Variants in BDKRB2 observed in about 807,000 individuals in gnomAD.
BDKRB2 encodes B2 bradykinin receptor.
In BDKRB2, 6 loss-of-function variants were observed where a neutral mutation model predicts 4.0. The ratio of observed to expected loss-of-function variants is 1.49; its 90% CI spans 0.81 to 2.93. The LOEUF (loss-of-function observed/expected upper bound fraction) is 2.93, where lower values mean the gene tolerates loss of function less well. Ranked by LOEUF, BDKRB2 falls within the 30% of genes most tolerant of loss-of-function variation. BDKRB2 has a pLI of 0.00. For missense variants in BDKRB2, 478 were observed against 520.1 expected, an observed-to-expected ratio of 0.92 and a Z score of 0.79; for synonymous variants, 225 against 215.3, an observed-to-expected ratio of 1.05 and a Z score of -0.40.
intron 1 of BDKRB2, among the ~76,000 whole-genome samples, chr14:96,208,127 C>A (rs1369766056): frequency 6.6e-6 from 1 of 152,190 alleles, no homozygotes; most frequent in Non-Finnish European, 1.5e-5. Context: ...TTGCTTCTCT[C>A]TGAGCTAAAT....
At chr14:96,212,281 T>C (rs2139768073) in intron 1 of BDKRB2, among the ~76,000 whole-genome samples, 1 of 152,302 alleles carries the variant, frequency 6.6e-6, no homozygotes, top group Non-Finnish European at 1.5e-5. Context: ...AAATTATAGA[T>C]ATTTGAGAAA....
intron 2 of BDKRB2, 80 bp downstream of exon 2, chr14:96,237,261 C>T: frequency 7.6e-7 from 1 of 1,318,968 alleles, no homozygotes; most frequent in Non-Finnish European, 1.1e-6. Context: ...AAGCTCAACT[C>T]TCATGCCCCG....
chr14:96,243,210 AGCTAGAACCTGGAGG>A lies in BDKRB2; in HGVS notation c.*1721_*1735del, dbSNP rs1164565711. 1.4e-5 allele frequency: 2 copies of A among 144,140 alleles called. No individual in the cohort carries two copies. Among genetic ancestry groups the A allele is most frequent in the African/African-American group, 2.7e-5 (1 of 36,936 alleles). 8.9% of individuals were successfully genotyped at this position (144,140 alleles called of 1,614,324 possible). On this transcript the variant is annotated 3_prime_UTR_variant, in exon 3 of 3. Coordinates refer to ENST00000554311, the MANE Select transcript of BDKRB2 (RefSeq NM_001379692.1). ...GAACCTGGAGGGCTAGAATCTGGAG[AGCTAGAACCTGGAGG>A]GCTAGAACCTGGAGAGCTAGAACCT...
intron 1 of BDKRB2, among the ~76,000 whole-genome samples, chr14:96,228,148 G>T (rs1890741390): frequency 6.6e-6 from 1 of 152,182 alleles, no homozygotes; most frequent in South Asian, 2.1e-4. Flanking sequence ...CAGGGGTGTG[G>T]CTCACTTGCT....
chr14:96,224,992 G>A (rs77416637), intron 1 of BDKRB2, among the ~76,000 whole-genome samples: 1,964 of 152,174 alleles, frequency 0.013, 35 homozygotes, highest in African/African-American at 0.043. Context: ...GCAAGGCAGG[G>A]AGCAGCCTCC....
At chr14:96,223,372 C>T (rs2139780568) in intron 1 of BDKRB2, 1 of 845,186 alleles carries the variant, frequency 1.2e-6, no homozygotes, top group Non-Finnish European at 2.1e-6. Context: ...TTTTCAGACT[C>T]AAGCTTTACA....
At chr14:96,214,759 G>A (rs1595248845) in intron 1 of BDKRB2, 4 of 152,234 alleles carry the variant, frequency 2.6e-5, no homozygotes, top group East Asian at 1.9e-4. Context: ...GGGGTGAGAC[G>A]AGACAGTGTC....
chr14:96,227,444 G>A (rs965351216), intron 1 of BDKRB2, among the ~76,000 whole-genome samples: 2 of 152,162 alleles, frequency 1.3e-5, no homozygotes, highest in Non-Finnish European at 2.9e-5. Context: ...CCTCAGTCAT[G>A]AAACCACAAG....
At chr14:96,222,468 C>T (rs1890596440) in intron 1 of BDKRB2, among the ~76,000 whole-genome samples, 1 of 151,928 alleles carries the variant, frequency 6.6e-6, no homozygotes, top group African/African-American at 2.4e-5. Flanking sequence ...CTGAGCCTAT[C>T]CAGCCACCAC....
At chr14:96,227,338 T>A (rs1055523163) in intron 1 of BDKRB2, among the ~76,000 whole-genome samples, 5 of 152,208 alleles carry the variant, frequency 3.3e-5, no homozygotes, top group African/African-American at 1.2e-4. Flanking sequence ...GTGCTATTAT[T>A]ATCCCCATTT....
intron 1 of BDKRB2, among the ~76,000 whole-genome samples, chr14:96,225,756 GAC>G (rs2139783226): frequency 6.6e-6 from 1 of 152,274 alleles, no homozygotes; most frequent in South Asian, 2.1e-4. Flanking sequence ...TTTTCTCTGT[GAC>G]CTACCAGTTA....
intron 1 of BDKRB2, chr14:96,214,625 C>A (rs1890378011): frequency 6.6e-6 from 1 of 152,542 alleles, no homozygotes; most frequent in African/African-American, 2.4e-5. Context: ...GGGGTGGCCT[C>A]AGGGCACAGC....
chr14:96,216,465 A>T (rs1288251774), intron 1 of BDKRB2, among the ~76,000 whole-genome samples: 3 of 151,926 alleles, frequency 2.0e-5, no homozygotes, highest in Non-Finnish European at 4.4e-5. Context: ...TTTAAAAAAA[A>T]ATTTAAAAAT....
intron 1 of BDKRB2, among the ~76,000 whole-genome samples, chr14:96,209,357 A>T (rs756447592): frequency 6.6e-6 from 1 of 152,232 alleles, no homozygotes; most frequent in Non-Finnish European, 1.5e-5. Flanking sequence ...TAGTGTTGTA[A>T]ATCAAAGAGA....
chr14:96,218,089 G>A (rs553535553), intron 1 of BDKRB2, among the ~76,000 whole-genome samples: 98 of 152,116 alleles, frequency 6.4e-4, no homozygotes, highest in Admixed American at 3.9e-3. Context: ...AAGGACTGTC[G>A]TGCAAACCCA....
intron 1 of BDKRB2, chr14:96,214,638 G>A (rs1890378251): frequency 6.6e-6 from 1 of 152,596 alleles, no homozygotes; most frequent in South Asian, 2.1e-4. Flanking sequence ...GGCACAGCCA[G>A]GAGATGTCCC....
rs1460352829 is a variant in BDKRB2, at chr14:96,243,813, T to A, written c.*2309T>A. On this transcript the variant is annotated 3_prime_UTR_variant, in exon 3 of 3. Coordinates refer to ENST00000554311, the MANE Select transcript of BDKRB2 (RefSeq NM_001379692.1). Reference sequence around the variant, plus strand: ...AAACCATTTAGTATTAGTATTAGAATGAAGTCAAACTGTGCCACACATGGT... The same window carrying A: ...AAACCATTTAGTATTAGTATTAGAAAGAAGTCAAACTGTGCCACACATGGT... 5.1e-6 allele frequency: 1 copy of A among 194,662 alleles called. No homozygotes were observed. The highest frequency in any genetic ancestry group is 2.3e-5 in the African/African-American group (1 of 42,618). 12.1% of individuals were successfully genotyped at this position (194,662 alleles called of 1,614,324 possible). A position where few individuals can be genotyped will look rare whatever the true frequency, so the allele number is the denominator to read the frequency against.
intron 1 of BDKRB2, among the ~76,000 whole-genome samples, chr14:96,232,574 T>C (rs1449220017): frequency 1.3e-5 from 2 of 152,252 alleles, no homozygotes; most frequent in African/African-American, 4.8e-5. Context: ...ATAAAAAAGA[T>C]GATAACTGTA....
chr14:96,205,203 A>G (rs1349832543), intron 1 of BDKRB2, among the ~76,000 whole-genome samples: 1 of 152,174 alleles, frequency 6.6e-6, no homozygotes, highest in Non-Finnish European at 1.5e-5. Flanking sequence ...TCAAGGTGAC[A>G]GACAGGCTTG....
Sources: allele counts gnomAD v4.1 joint callset (sites outside exome capture counted in the v4.1 genomes callset), GRCh38; gene constraint gnomAD v4.1.1; transcripts MANE v1.5; gene names NCBI Gene and HGNC (gene_info 2026-07-23, HGNC 2026-07-21).